Variants in PARPBP observed in about 807,000 individuals in gnomAD.
The protein encoded by PARPBP is PCNA-interacting partner.
Under a neutral mutation model 50.0 loss-of-function variants are expected in PARPBP, and 52 were observed. The observed-to-expected ratio is 1.04, with a 90% CI of 0.83 to 1.31. PARPBP has a LOEUF of 1.31. Ranked by LOEUF, PARPBP falls within the 50% of genes most tolerant of loss-of-function variation. PARPBP has a pLI of 0.00. For missense variants in PARPBP, 697 were observed against 672.0 expected, an observed-to-expected ratio of 1.04 and a Z score of -0.41; for synonymous variants, 244 against 232.1, an observed-to-expected ratio of 1.05 and a Z score of -0.47.
intron 9 of PARPBP, among the ~76,000 whole-genome samples, chr12:102,190,790 A>G (rs1890725007): frequency 6.6e-6 from 1 of 152,154 alleles, no homozygotes; most frequent in South Asian, 2.1e-4. Context: ...AGAAGCAGAC[A>G]ATAAACAAAC....
intron 2 of PARPBP, 49 bp downstream of exon 2, chr12:102,124,090 A>G: frequency 8.3e-7 from 1 of 1,206,992 alleles, no homozygotes; most frequent in Non-Finnish European, 1.2e-6. Flanking sequence ...GCAAAATTTC[A>G]TTGCTGCCCA....
intron 2 of PARPBP, among the ~76,000 whole-genome samples, chr12:102,141,228 C>T (rs1240982518): frequency 2.6e-5 from 4 of 152,040 alleles, no homozygotes; most frequent in African/African-American, 9.7e-5. Flanking sequence ...ATCCCTTTAC[C>T]ATTATGCAAT....
chr12:102,152,103 G>A, intron 3 of PARPBP: 1 of 311,974 alleles, frequency 3.2e-6, no homozygotes, highest in Non-Finnish European at 6.1e-6. Context: ...CCCTTGCTCT[G>A]CTGCTTCCTC....
intron 1 of PARPBP, among the ~76,000 whole-genome samples, chr12:102,123,185 A>G (rs1881426043): frequency 6.6e-6 from 1 of 152,250 alleles, no homozygotes; most frequent in Non-Finnish European, 1.5e-5. Context: ...CCAAAATTCC[A>G]GACTCGCAAG....
At chr12:102,167,600 T>G (rs753888704) in intron 6 of PARPBP, among the ~76,000 whole-genome samples, 5 of 152,138 alleles carry the variant, frequency 3.3e-5, no homozygotes, top group Non-Finnish European at 7.4e-5. Context: ...GTCAGTAACT[T>G]TAGATCTTTT....
intron 2 of PARPBP, among the ~76,000 whole-genome samples, chr12:102,141,272 TA>T (rs1884547804): frequency 6.6e-6 from 1 of 152,208 alleles, no homozygotes; most frequent in African/African-American, 2.4e-5. Context: ...TTTGTTGGTT[TA>T]AAGTCTGTTT....
At chr12:102,190,442 A>G (rs908446641) in intron 9 of PARPBP, among the ~76,000 whole-genome samples, 12 of 152,086 alleles carry the variant, frequency 7.9e-5, no homozygotes, top group African/African-American at 4.8e-5. Flanking sequence ...AATAATATAA[A>G]TGGAAGCCAC....
Position 102,164,456 on chromosome 12 carries a change from A to G in PARPBP, c.514A>G (p.Lys172Glu), listed in dbSNP as rs1409460137. ...TGCACAGGTGCAGCTGCTAGCAAGG[A>G]AAATTATCTTTTCATATTTAAATCT... is the stretch of plus-strand genomic sequence containing the variant. The part of the protein sequence containing the change: ...DNEKVQLLAR[K>E]IIFSYLNLLV... Residue 172 changes from lysine to glutamate, a missense_variant, in exon 5 of 11, where the codon AAA becomes GAA. By Grantham distance (56) the Lys-to-Glu change is moderately conservative. Coordinates refer to ENST00000327680, the MANE Select transcript of PARPBP (RefSeq NM_017915.5). 5.0e-6 allele frequency: 8 copies of G among 1,612,434 alleles called. No individual in the cohort carries two copies. Among genetic ancestry groups the G allele is most frequent in the Non-Finnish European group, 5.9e-6 (7 of 1,178,812 alleles).
chr12:102,141,866 G>C (rs899706068), intron 2 of PARPBP, among the ~76,000 whole-genome samples: 1 of 152,174 alleles, frequency 6.6e-6, no homozygotes, highest in Non-Finnish European at 1.5e-5. Flanking sequence ...CTGTTAGTCT[G>C]ATGGGCTTCC....
chr12:102,178,827 G>T (rs1479415584), intron 8 of PARPBP, 57 bp downstream of exon 8: 1 of 1,141,882 alleles, frequency 8.8e-7, no homozygotes, highest in Non-Finnish European at 1.2e-6. Flanking sequence ...AATTATAAAA[G>T]AAATGTATGC....
chr12:102,172,777 T>C (rs990299730), intron 6 of PARPBP, among the ~76,000 whole-genome samples: 1 of 152,244 alleles, frequency 6.6e-6, no homozygotes, highest in Admixed American at 6.5e-5. Flanking sequence ...TTCTTATAAT[T>C]GGCACTAAGA....
intron 1 of PARPBP, among the ~76,000 whole-genome samples, chr12:102,123,085 G>A (rs1881407917): frequency 6.6e-6 from 1 of 152,204 alleles, no homozygotes; most frequent in South Asian, 2.1e-4. Flanking sequence ...CAACACATGT[G>A]AAATGTCTAC....
At chr12:102,174,144 T>C (rs1317005015) in intron 6 of PARPBP, among the ~76,000 whole-genome samples, 2 of 151,892 alleles carry the variant, frequency 1.3e-5, no homozygotes, top group African/African-American at 4.8e-5. Context: ...AAGGAGCTGA[T>C]TTTTTCATGA....
At position 102,178,615 on chromosome 12, in the gene PARPBP, T is replaced by C. The variant is rs771911560; in HGVS notation, c.1029T>C (p.His343=). ...PARPKSHAIN[H]GTAYCGRDTV... ...AGCCAAAATCTCATGCCATAAACCA[T>C]GGTACTGCATACTGTGGCAGAGATA... is the stretch of plus-strand genomic sequence containing the variant. Residue 343 remains histidine (H), a synonymous_variant, in exon 8 of 11, where the codon CAT becomes CAC. Transcript: ENST00000327680. The C allele has an allele frequency of 3.7e-6, 6 of 1,603,334 alleles. No homozygotes were observed. The highest frequency in any genetic ancestry group is 3.4e-5 in the Admixed American group (2 of 58,362).
chr12:102,197,026 A>G lies in PARPBP; in HGVS notation c.*735A>G, dbSNP rs138083104. ...TTTAGCTGAGTTTTCTTCATCCCCA[A>G]TTTCTCTCTTTTCTTGTGTTGATTC... is the stretch of plus-strand genomic sequence containing the variant. On this transcript the variant is annotated 3_prime_UTR_variant, in exon 11 of 11. Transcript: ENST00000327680. 98 of 1,611,892 alleles carry G rather than the reference A, an allele frequency of 6.1e-5. No individual in the cohort carries two copies. The highest frequency in any genetic ancestry group is 1.6e-4 in the Middle Eastern group (1 of 6,076).
chr12:102,123,859 T>G, intron 1 of PARPBP, 27 bp from the exon 2 acceptor site: 1 of 1,496,790 alleles, frequency 6.7e-7, no homozygotes, highest in Non-Finnish European at 9.0e-7. Flanking sequence ...TAAGATACTT[T>G]AACTTTGTAT....
In PARPBP at chr12:102,123,919, G is replaced by T; in HGVS notation, c.31G>T (p.Asp11Tyr). 2 of 1,535,250 alleles carry T rather than the reference G, an allele frequency of 1.3e-6. No individual in the cohort carries two copies. Among genetic ancestry groups the T allele is most frequent in the Non-Finnish European group, 1.7e-6 (2 of 1,146,210 alleles). The change falls in exon 2 of 11, where the codon GAT (aspartate) becomes TAT (tyrosine). Residue 11 changes from aspartate (D) to tyrosine (Y), a missense_variant. Transcript: ENST00000327680. MAVFNQKSVS[D>Y]MIKEFRKNWR... is the part of the protein sequence containing the mutation. Reference sequence around the variant, plus strand: ...TGTGTTTAATCAGAAGTCTGTCTCGGATATGATTAAAGAGTTTCGAAAAAA... The same window carrying T: ...TGTGTTTAATCAGAAGTCTGTCTCGTATATGATTAAAGAGTTTCGAAAAAA...
chr12:102,184,178 A>C (rs1044798809), intron 9 of PARPBP, among the ~76,000 whole-genome samples: 1 of 152,070 alleles, frequency 6.6e-6, no homozygotes, highest in Non-Finnish European at 1.5e-5. Flanking sequence ...TATTATTTTA[A>C]ATTTTGTTGT....
Position 102,197,235 on chromosome 12 carries a change from G to A in PARPBP, c.*944G>A, listed in dbSNP as rs980443900. ...TTCGGAGTGGAACTATAATACAATT[G>A]TATAATATTCTTGTTGATCAATTCA... is the stretch of plus-strand genomic sequence containing the variant. On this transcript the variant is annotated 3_prime_UTR_variant, in exon 11 of 11. Coordinates refer to ENST00000327680, the MANE Select transcript of PARPBP (RefSeq NM_017915.5). The A allele has an allele frequency of 4.8e-6, 6 of 1,252,972 alleles. No individual in the cohort carries two copies. Among genetic ancestry groups the A allele is most frequent in the Admixed American group, 1.9e-5 (1 of 51,428 alleles). The allele number at this position is 1,252,972 out of a possible 1,614,324, so 77.6% of individuals were successfully genotyped here. A position where few individuals can be genotyped will look rare whatever the true frequency, so the allele number is the denominator to read the frequency against.
Sources: gnomAD v4.1 joint callset for allele counts (sites outside exome capture counted in the v4.1 genomes callset) on GRCh38, gnomAD v4.1.1 for gene constraint, MANE v1.5 for transcripts, NCBI Gene and HGNC (gene_info 2026-07-23, HGNC 2026-07-21) for gene names.